The following L3MBTL3 variants were observed in gnomAD, a reference collection of about 807,000 sequenced individuals.
The protein encoded by L3MBTL3 is L3MBTL histone methyl-lysine binding protein 3.
Under a neutral mutation model 102.3 loss-of-function variants are expected in L3MBTL3, and 27 were observed. The observed-to-expected ratio is 0.26, with a 90% CI of 0.19 to 0.36. The LOEUF (loss-of-function observed/expected upper bound fraction) is 0.36. Among genes scored for constraint, L3MBTL3 ranks in the 10% least tolerant of loss-of-function variants. The pLI, the probability that L3MBTL3 is intolerant of heterozygous loss-of-function variation, is 1.00. For synonymous variants in L3MBTL3, 340 were observed against 320.9 expected (o/e 1.06, Z -0.64); for missense variants, 798 against 955.3 (o/e 0.84, Z 2.17).
intron 10 of L3MBTL3, among the ~76,000 whole-genome samples, chr6:130,063,579 T>C (rs1022756259): frequency 6.6e-6 from 1 of 152,216 alleles, no homozygotes; most frequent in African/African-American, 2.4e-5. Flanking sequence ...CTGATCAGTG[T>C]GTAACCTTGT....
At chr6:130,122,223 T>C (rs1786271738) in intron 20 of L3MBTL3, among the ~76,000 whole-genome samples, 1 of 152,258 alleles carries the variant, frequency 6.6e-6, no homozygotes, top group African/African-American at 2.4e-5. Context: ...GATTTGAGAA[T>C]GGCACCTGAT....
chr6:130,076,754 G>A (rs994336923), intron 13 of L3MBTL3, among the ~76,000 whole-genome samples: 2 of 152,096 alleles, frequency 1.3e-5, no homozygotes, highest in African/African-American at 4.8e-5. Context: ...TACAATAGTA[G>A]CAGAAGGCTA....
At chr6:130,053,061 A>C in intron 7 of L3MBTL3, 70 bp downstream of exon 7, 1 of 1,222,902 alleles carries the variant, frequency 8.2e-7, no homozygotes, top group Non-Finnish European at 1.2e-6. Flanking sequence ...AGTCACAAGC[A>C]CTGCTCTGGA....
chr6:130,040,102 G>A (rs1049635838), intron 2 of L3MBTL3, among the ~76,000 whole-genome samples: 9 of 152,038 alleles, frequency 5.9e-5, no homozygotes, highest in South Asian at 4.2e-4. Context: ...TGAGGCAGGC[G>A]GATCACTTGA....
chr6:130,055,752 T>G (rs1183336393), intron 8 of L3MBTL3, among the ~76,000 whole-genome samples: 1 of 150,630 alleles, frequency 6.6e-6, no homozygotes, highest in Non-Finnish European at 1.5e-5. Context: ...TTCCTGCCTC[T>G]GCTTCTCTAT....
At chr6:130,027,437 C>G (rs1242006095) in intron 2 of L3MBTL3, among the ~76,000 whole-genome samples, 1 of 152,106 alleles carries the variant, frequency 6.6e-6, no homozygotes, top group Admixed American at 6.5e-5. Flanking sequence ...CTGTTGAACC[C>G]TGAATAGTGA....
intron 8 of L3MBTL3, among the ~76,000 whole-genome samples, chr6:130,056,008 G>A (rs938014129): frequency 6.8e-6 from 1 of 147,176 alleles, no homozygotes; most frequent in South Asian, 2.3e-4. Flanking sequence ...GCTCACAGCA[G>A]CCTCCACCTC....
rs534463399 is a variant in L3MBTL3, at chr6:130,095,992, A to C, written c.1736+1625A>C. On this transcript the variant is annotated intron_variant, in intron 18 of 22. Transcript: ENST00000361794. ...AGAAACTCAGTAAATATTTTCGAGCAGCATTTTTTCAACAAGAACTAATAT... is the reference window on the plus strand; with the variant it reads ...AGAAACTCAGTAAATATTTTCGAGCCGCATTTTTTCAACAAGAACTAATAT... Among the ~76,000 whole-genome samples the C allele has an allele frequency of 8.5e-5, 13 of 152,372 alleles. 2 individuals carry two copies. Among genetic ancestry groups the C allele is most frequent in the African/African-American group, 2.4e-4 (10 of 41,594 alleles).
At chr6:130,081,531 A>G (rs7762724) in intron 14 of L3MBTL3, among the ~76,000 whole-genome samples, 40,369 of 150,402 alleles carry the variant, frequency 0.27, 6,024 homozygotes, top group African/African-American at 0.38. Flanking sequence ...TGATTCTCCT[A>G]CCTAAGCCTC....
At chr6:130,059,029 A>G (rs1781715072) in intron 9 of L3MBTL3, among the ~76,000 whole-genome samples, 1 of 151,852 alleles carries the variant, frequency 6.6e-6, no homozygotes, top group Non-Finnish European at 1.5e-5. Flanking sequence ...TGTTCTCTGT[A>G]ATTATTTTCT....
intron 2 of L3MBTL3, among the ~76,000 whole-genome samples, chr6:130,032,081 T>A (rs1562250931): frequency 6.6e-6 from 1 of 151,958 alleles, no homozygotes; most frequent in African/African-American, 2.4e-5. Flanking sequence ...CCTGGCTGAT[T>A]TTTGCATTTT....
intron 2 of L3MBTL3, among the ~76,000 whole-genome samples, chr6:130,024,494 G>T (rs1779211406): frequency 6.6e-6 from 1 of 152,114 alleles, no homozygotes; most frequent in East Asian, 1.9e-4. Flanking sequence ...TGTTTAATTA[G>T]TCCCTGAGTA....
At position 130,095,837 on chromosome 6, in the gene L3MBTL3, A is replaced by T. The variant is rs1302885165; in HGVS notation, c.1736+1470A>T. On this transcript the variant is annotated intron_variant, in intron 18 of 22. Coordinates refer to ENST00000361794, the MANE Select transcript of L3MBTL3 (RefSeq NM_032438.4). ...TATAACAACCGCTCCCATGATAACA[A>T]ACCCACTTCTGCGATAATGTCATTA... 2.0e-5 allele frequency among the ~76,000 whole-genome samples: 3 copies of T among 152,150 alleles called. No homozygotes were observed. In the East Asian group the frequency reaches 5.8e-4, roughly 29 times the overall value.
At chr6:130,069,652 A>C (rs752228712) in intron 12 of L3MBTL3, among the ~76,000 whole-genome samples, 4 of 152,170 alleles carry the variant, frequency 2.6e-5, no homozygotes, top group Non-Finnish European at 4.4e-5. Flanking sequence ...GTTGGGTGGA[A>C]AACTTAGCAG....
Position 130,120,918 on chromosome 6 carries a change from G to A in L3MBTL3, c.1926G>A (p.Glu642=). The change falls in exon 20 of 23, where the codon GAG becomes GAA. Residue 642 remains glutamate (E), a synonymous_variant. Coordinates refer to ENST00000361794, the MANE Select transcript of L3MBTL3 (RefSeq NM_032438.4). ...HADDVKEDFE[E]RTESEMRTSH... ...ATGATGTCAAAGAAGACTTTGAAGA[G>A]AGAACAGAAAGTGAAATGAGAACAT... 1 of 1,612,816 alleles carries A rather than the reference G, an allele frequency of 6.2e-7. No homozygotes were observed.
In L3MBTL3 at chr6:130,093,209, C is replaced by T. The variant is rs573807057; in HGVS notation, c.1633+350C>T. Among the ~76,000 whole-genome samples, 16 of 152,104 alleles carry T rather than the reference C, an allele frequency of 1.1e-4. 1 individual carries two copies. In the East Asian group the frequency reaches 2.5e-3, roughly 24 times the overall value. On this transcript the variant is annotated intron_variant, in intron 17 of 22. Coordinates refer to ENST00000361794, the MANE Select transcript of L3MBTL3 (RefSeq NM_032438.4). ...AATTTTATATGATAGCTTTGCAAAA[C>T]GTTAACATTGGGAGAAACTGGGCAA...
intron 2 of L3MBTL3, among the ~76,000 whole-genome samples, chr6:130,040,438 T>C (rs1293022416): frequency 6.6e-6 from 1 of 152,200 alleles, no homozygotes; most frequent in East Asian, 1.9e-4. Flanking sequence ...AAATTTTGCT[T>C]AACCGAGTTA....
At position 130,081,877 on chromosome 6, in the gene L3MBTL3, C is replaced by T. The variant is rs991057118; in HGVS notation, c.1322-1743C>T. Among the ~76,000 whole-genome samples the T allele has an allele frequency of 5.3e-5, 8 of 152,150 alleles. No individual in the cohort carries two copies. In the South Asian group the frequency reaches 1.2e-3, roughly 24 times the overall value. ...GATGTTATTCCTAGCAAAAGGATCT[C>T]AGTTGTCAGATCCCTCCAGCTTCTA... On this transcript the variant is annotated intron_variant, in intron 14 of 22. Coordinates refer to ENST00000361794, the MANE Select transcript of L3MBTL3 (RefSeq NM_032438.4).
At chr6:130,043,277 T>C (rs1425734109) in intron 3 of L3MBTL3, among the ~76,000 whole-genome samples, 1 of 152,214 alleles carries the variant, frequency 6.6e-6, no homozygotes, top group African/African-American at 2.4e-5. Flanking sequence ...AAATTAATTA[T>C]ACTGTAAATA....
Sources: gnomAD v4.1 joint callset for allele counts (sites outside exome capture counted in the v4.1 genomes callset) on GRCh38, gnomAD v4.1.1 for gene constraint, MANE v1.5 for transcripts, NCBI Gene and HGNC (gene_info 2026-07-23, HGNC 2026-07-21) for gene names.